Variants in SATB1 observed in about 807,000 individuals in gnomAD.
SATB1 encodes the protein DNA-binding protein SATB1.
SATB1 carries 11 observed loss-of-function variants against 86.9 expected under a neutral mutation model. The ratio of observed to expected loss-of-function variants is 0.13; its 90% CI spans 0.08 to 0.21. The LOEUF is 0.21. Among genes scored for constraint, SATB1 ranks in the 10% least tolerant of loss-of-function variants. The probability of loss-of-function intolerance (pLI) is 1.00; values close to 1 mark genes in which losing one functional copy is unlikely to be tolerated. For synonymous variants in SATB1, 357 were observed against 357.2 expected (o/e 1.00, Z 0.01); for missense variants, 551 against 937.6 (o/e 0.59, Z 5.39).
chr3:18,378,149 A>G (rs770926446), intron 9 of SATB1, 21 bp downstream of exon 9: 1 of 1,543,370 alleles, frequency 6.5e-7, no homozygotes, highest in Admixed American at 2.2e-5. Context: ...AACATTCTCA[A>G]TGCCTAACAG....
intron 9 of SATB1, among the ~76,000 whole-genome samples, chr3:18,362,303 C>T (rs1694940057): frequency 2.0e-5 from 3 of 152,110 alleles, no homozygotes. Flanking sequence ...AAACTCCTCA[C>T]TTTCCTTCAC....
In SATB1 at chr3:18,359,906, C is replaced by A. The variant is rs564836191; in HGVS notation, c.1576-7711G>T. Among the ~76,000 whole-genome samples, 246 of 152,054 alleles carry A rather than the reference C, an allele frequency of 1.6e-3. 2 individuals carry two copies. The highest frequency in any genetic ancestry group is 2.9e-3 in the Non-Finnish European group (199 of 67,968). The stretch of plus-strand genomic sequence containing the variant: ...TCATTAAGAACCATCCACTCCTTTC[C>A]ATTCTACCACTATTGACTTGTCAGA... On this transcript the variant is annotated intron_variant, in intron 9 of 10. Transcript: ENST00000338745.
upstream of SATB1, among the ~76,000 whole-genome samples, chr3:18,440,191 C>T (rs1306417209): frequency 6.6e-6 from 1 of 152,092 alleles, no homozygotes; most frequent in Admixed American, 6.5e-5. Flanking sequence ...CATATTTATC[C>T]TGAGGTTGCT....
intron 2 of SATB1, 62 bp downstream of exon 2, chr3:18,420,695 G>T: frequency 7.6e-7 from 1 of 1,316,932 alleles, no homozygotes; most frequent in Non-Finnish European, 1.1e-6. Context: ...CCCCCACACA[G>T]TGTGGCCTTG....
intron 4 of SATB1, among the ~76,000 whole-genome samples, chr3:18,415,802 T>G (rs987285600): frequency 6.7e-6 from 1 of 148,850 alleles, no homozygotes; most frequent in South Asian, 2.5e-4. Context: ...ACACATTTTT[T>G]GTGTGTGTGG....
intron 9 of SATB1, among the ~76,000 whole-genome samples, chr3:18,374,360 T>C (rs1695632144): frequency 6.6e-6 from 1 of 152,204 alleles, no homozygotes; most frequent in Non-Finnish European, 1.5e-5. Flanking sequence ...TCAACTATTT[T>C]TTTAAACAGT....
At chr3:18,406,927 C>A (rs1280986850) in intron 5 of SATB1, among the ~76,000 whole-genome samples, 1 of 152,026 alleles carries the variant, frequency 6.6e-6, no homozygotes, top group Non-Finnish European at 1.5e-5. Context: ...TTAAGTCTGA[C>A]GAATATTCCC....
chr3:18,351,810 A>G, intron 10 of SATB1, 182 bp downstream of exon 10: 2 of 617,654 alleles, frequency 3.2e-6, no homozygotes, highest in Non-Finnish European at 5.7e-6. Flanking sequence ...AACACGATAC[A>G]TACGCTGGAA....
At chr3:18,376,317 TA>T (rs1178540868) in intron 9 of SATB1, among the ~76,000 whole-genome samples, 15 of 152,214 alleles carry the variant, frequency 9.9e-5, no homozygotes, top group Middle Eastern at 3.4e-3. Context: ...GATAGATAAC[TA>T]AATATGGTTA....
rs778436372 is a variant in SATB1 at position 18,394,927 on chromosome 3, CAA to C, written c.752-13_752-12del. 4 of 1,548,338 alleles carry C rather than the reference CAA, an allele frequency of 2.6e-6. No individual in the cohort carries two copies. The East Asian group carries it at 9.1e-5, about 35-fold the overall frequency. ...GACTATCCATTTCAACTAAAGTGGA[CAA>C]AGAGTAAAATCACATTCAGCCAACA... On this transcript the variant is annotated splice_polypyrimidine_tract_variant and intron_variant, in intron 6 of 10. Transcript: ENST00000338745. The surrounding 1 kb of genome is among the most constrained non-coding windows in gnomAD (Gnocchi z 5.9).
chr3:18,368,681 G>T (rs539636411), intron 9 of SATB1, among the ~76,000 whole-genome samples: 6 of 152,064 alleles, frequency 3.9e-5, no homozygotes, highest in Non-Finnish European at 8.8e-5. Context: ...TCCAAGCTAG[G>T]TTCATAACTG....
Position 18,397,259 on chromosome 3 carries a change from T to C in SATB1, c.671A>G (p.Tyr224Cys). ...SMISSIVNST[Y>C]YANVSAAKCQ... ...TTTTGCTGCTGAGACATTTGCATAG[T>C]AAGTACTGTTCACAATGGAAGAAAT... The change falls in exon 6 of 11, where the codon TAC becomes TGC. Residue 224 changes from tyrosine (Y) to cysteine (C), a missense_variant. Physicochemically the swap from Tyr to Cys is radical, Grantham distance 194. This residue lies in a region of SATB1 where 7 missense variants were observed against 35.8 expected (regional missense o/e 0.20). Coordinates refer to ENST00000338745, the MANE Select transcript of SATB1 (RefSeq NM_002971.6). The C allele has an allele frequency of 6.2e-7, 1 of 1,610,406 alleles. No individual in the cohort carries two copies. The highest frequency in any genetic ancestry group is 8.5e-7 in the Non-Finnish European group (1 of 1,176,708).
At chr3:18,402,735 T>C (rs1575146507) in intron 5 of SATB1, among the ~76,000 whole-genome samples, 1 of 152,168 alleles carries the variant, frequency 6.6e-6, no homozygotes, top group East Asian at 1.9e-4. Flanking sequence ...GATATCATGA[T>C]CAAAACTTAT....
chr3:18,367,330 CAAT>C (rs756508230), intron 9 of SATB1, among the ~76,000 whole-genome samples: 2 of 152,090 alleles, frequency 1.3e-5, no homozygotes, highest in Non-Finnish European at 2.9e-5. Context: ...ATGACTTCAA[CAAT>C]GATGATGAAA....
rs1038372331 is a variant in SATB1 at position 18,395,004 on chromosome 3, G to A, written c.752-88C>T. The A allele has an allele frequency of 3.7e-6, 4 of 1,076,760 alleles. No individual in the cohort carries two copies. The African/African-American group carries it at 4.8e-5, about 13-fold the overall frequency. The allele number at this position is 1,076,760 out of a possible 1,614,324, so 66.7% of individuals were successfully genotyped here. ...TAACCATTTCCTAAATTAAAAAAGG[G>A]TAGGCACAGGGCACACCCCAAATCC... On this transcript the variant is annotated intron_variant, in intron 6 of 10. Coordinates refer to ENST00000338745, the MANE Select transcript of SATB1 (RefSeq NM_002971.6).
chr3:18,417,252 A>G (rs913425420), intron 2 of SATB1, 174 bp from the exon 3 acceptor site: 9 of 604,156 alleles, frequency 1.5e-5, no homozygotes, highest in Non-Finnish European at 2.6e-5. Context: ...ATACATTCTC[A>G]TATTATTTAA....
At position 18,349,046 on chromosome 3, in the gene SATB1, A is replaced by C; in HGVS notation, c.*124T>G. 6.9e-7 allele frequency: 1 copy of C among 1,458,978 alleles called. No homozygotes were observed. The highest frequency in any genetic ancestry group is 2.7e-5 in the Admixed American group (1 of 37,114). The allele number at this position is 1,458,978 out of a possible 1,614,324, so 90.4% of individuals were successfully genotyped here. A position where few individuals can be genotyped will look rare whatever the true frequency, so the allele number is the denominator to read the frequency against. ...CCTTTTCCAACTTTTCTGTTTGTGC[A>C]AGTTTTTGAAGATTCATTGGCCAAA... On this transcript the variant is annotated 3_prime_UTR_variant, in exon 11 of 11. Coordinates refer to ENST00000338745, the MANE Select transcript of SATB1 (RefSeq NM_002971.6). This position sits in a 1 kb window ranked among gnomAD's most constrained non-coding sequence, Gnocchi z 5.5.
chr3:18,419,472 T>C (rs1698281525), intron 2 of SATB1, among the ~76,000 whole-genome samples: 1 of 152,216 alleles, frequency 6.6e-6, no homozygotes, highest in South Asian at 2.1e-4. Flanking sequence ...GTCTGTAGAA[T>C]CCTTGTCTAA....
chr3:18,440,489 G>A (rs182544784), upstream of SATB1, among the ~76,000 whole-genome samples: 255 of 152,186 alleles, frequency 1.7e-3, 2 homozygotes, highest in Non-Finnish European at 2.9e-3. Context: ...ATATAAATAC[G>A]TGCACTAAAC....
Sources: allele counts gnomAD v4.1 joint callset (sites outside exome capture counted in the v4.1 genomes callset), GRCh38; gene constraint gnomAD v4.1.1; regional missense constraint gnomAD v4.1.1; non-coding constraint Gnocchi (gnomAD v3.1); transcripts MANE v1.5; gene names NCBI Gene and HGNC (gene_info 2026-07-23, HGNC 2026-07-21).